Variants in CSMD1 observed in about 807,000 individuals in gnomAD.
The protein encoded by CSMD1 is CUB and Sushi multiple domains 1.
A neutral mutation model predicts 417.5 loss-of-function variants in CSMD1; 213 were observed. The ratio of observed to expected loss-of-function variants is 0.51; its 90% CI spans 0.46 to 0.57. The LOEUF (loss-of-function observed/expected upper bound fraction) is 0.57, where lower values mean the gene tolerates loss of function less well. CSMD1 is among the 20% of genes least tolerant of loss of function. CSMD1 has a pLI of 0.00. For missense variants in CSMD1, 6,923 were observed against 4,529.7 expected (o/e 1.53, Z -15.17); for synonymous variants, 2,862 against 1,736.8 (o/e 1.65, Z -16.11).
At chr8:3,397,247 T>G (rs1811760263) in intron 16 of CSMD1, among the ~76,000 whole-genome samples, 1 of 152,172 alleles carries the variant, frequency 6.6e-6, no homozygotes, top group African/African-American at 2.4e-5. Context: ...CTCAGTCACT[T>G]TGAGCCAAAG....
intron 3 of CSMD1, among the ~76,000 whole-genome samples, chr8:4,378,170 A>AG (rs1204996570): frequency 7.9e-5 from 12 of 152,192 alleles, no homozygotes; most frequent in African/African-American, 2.9e-4. Flanking sequence ...CTTATACTCT[A>AG]GATATTGCGA....
chr8:3,476,543 T>C (rs1817436151), intron 11 of CSMD1, among the ~76,000 whole-genome samples: 1 of 152,160 alleles, frequency 6.6e-6, no homozygotes, highest in Non-Finnish European at 1.5e-5. Flanking sequence ...ACCACTTGGC[T>C]TTTCCGCTTG....
chr8:3,295,378 G>T lies in CSMD1; in HGVS notation c.3951-11032C>A, dbSNP rs183230802. On this transcript the variant is annotated intron_variant, in intron 25 of 69. Coordinates refer to ENST00000635120, the MANE Select transcript of CSMD1 (RefSeq NM_033225.6). The stretch of plus-strand genomic sequence containing the variant: ...CCTGACCTTGTGATCCACCCGCCTC[G>T]GCCTCCCAAAGTGCTGGGATTAGAG... Among the ~76,000 whole-genome samples the T allele has an allele frequency of 2.0e-5, 3 of 152,054 alleles. No individual in the cohort carries two copies. In the East Asian group the frequency reaches 5.8e-4, roughly 29 times the overall value.
intron 1 of CSMD1, among the ~76,000 whole-genome samples, chr8:4,864,819 A>G (rs1479564818): frequency 6.6e-6 from 1 of 150,878 alleles, no homozygotes; most frequent in East Asian, 1.9e-4. Flanking sequence ...TAATCTTTTC[A>G]TTGTATATAA....
At chr8:4,922,210 G>C (rs545273373) in intron 1 of CSMD1, among the ~76,000 whole-genome samples, 2 of 152,050 alleles carry the variant, frequency 1.3e-5, no homozygotes, top group Non-Finnish European at 2.9e-5. Context: ...GTGCATGTCT[G>C]TCTGTGTTTT....
chr8:3,742,279 C>T (rs1796843886), intron 6 of CSMD1, among the ~76,000 whole-genome samples: 1 of 152,272 alleles, frequency 6.6e-6, no homozygotes, highest in East Asian at 1.9e-4. Flanking sequence ...TTCAGGTAAA[C>T]ATAACGTTCA....
intron 3 of CSMD1, among the ~76,000 whole-genome samples, chr8:4,210,245 G>T (rs1462416106): frequency 6.6e-6 from 1 of 152,188 alleles, no homozygotes; most frequent in Non-Finnish European, 1.5e-5. Flanking sequence ...CACAGGAGGG[G>T]CAGAGGACTG....
At chr8:3,376,329 A>C (rs887408360) in intron 18 of CSMD1, among the ~76,000 whole-genome samples, 3 of 152,092 alleles carry the variant, frequency 2.0e-5, no homozygotes, top group African/African-American at 7.2e-5. Flanking sequence ...CAAGAACAAC[A>C]AATTTGTCTG....
intron 1 of CSMD1, among the ~76,000 whole-genome samples, chr8:4,924,425 T>C (rs1247742926): frequency 6.6e-6 from 1 of 152,102 alleles, no homozygotes; most frequent in Non-Finnish European, 1.5e-5. Flanking sequence ...ATAGTAAACA[T>C]AAGTATAAAA....
intron 4 of CSMD1, among the ~76,000 whole-genome samples, chr8:4,016,794 TG>T (rs1471460626): frequency 1.3e-5 from 2 of 152,232 alleles, no homozygotes; most frequent in Non-Finnish European, 2.9e-5. Context: ...TGGGTTTTTT[TG>T]GTCGTTGTTT....
intron 3 of CSMD1, among the ~76,000 whole-genome samples, chr8:4,366,931 G>C (rs549368563): frequency 3.3e-5 from 5 of 152,088 alleles, no homozygotes; most frequent in Non-Finnish European, 7.4e-5. Flanking sequence ...GTTCCCTACA[G>C]ATTCTTGATA....
chr8:4,751,348 G>A (rs1036862208), intron 1 of CSMD1, among the ~76,000 whole-genome samples: 7 of 151,966 alleles, frequency 4.6e-5, no homozygotes, highest in South Asian at 4.2e-4. Context: ...CCGAGATAGC[G>A]CCACTGCACT....
At chr8:3,927,912 T>C (rs970108182) in intron 5 of CSMD1, among the ~76,000 whole-genome samples, 4 of 152,188 alleles carry the variant, frequency 2.6e-5, no homozygotes, top group African/African-American at 7.2e-5. Context: ...AAAAATCATT[T>C]TACATCAAAT....
intron 3 of CSMD1, among the ~76,000 whole-genome samples, chr8:4,033,077 T>A (rs1245466703): frequency 6.7e-6 from 1 of 149,930 alleles, no homozygotes; most frequent in African/African-American, 2.5e-5. Context: ...TTCCTCTCTA[T>A]TGATTCCATG....
intron 3 of CSMD1, among the ~76,000 whole-genome samples, chr8:4,096,079 T>C (rs894074471): frequency 2.6e-5 from 4 of 152,144 alleles, no homozygotes; most frequent in Non-Finnish European, 5.9e-5. Flanking sequence ...TGTTTTATGT[T>C]ATATGTTATC....
At chr8:4,742,908 A>C (rs1040508454) in intron 1 of CSMD1, among the ~76,000 whole-genome samples, 2 of 152,208 alleles carry the variant, frequency 1.3e-5, no homozygotes, top group Admixed American at 6.5e-5. Context: ...GGTTAAAAAA[A>C]ATCTGAAAAT....
intron 5 of CSMD1, among the ~76,000 whole-genome samples, chr8:3,894,097 G>A (rs1021719857): frequency 1.3e-5 from 2 of 152,098 alleles, no homozygotes; most frequent in African/African-American, 4.8e-5. Flanking sequence ...CTCTTTCACG[G>A]TGTTCCGTCT....
intron 2 of CSMD1, among the ~76,000 whole-genome samples, chr8:4,596,823 G>A (rs1465729130): frequency 3.3e-5 from 5 of 152,182 alleles, no homozygotes; most frequent in Non-Finnish European, 5.9e-5. Context: ...CATATTGTGG[G>A]AGGGACCCAG....
intron 3 of CSMD1, among the ~76,000 whole-genome samples, chr8:4,377,425 C>G (rs149382221): frequency 1.3e-5 from 2 of 152,016 alleles, no homozygotes; most frequent in African/African-American, 4.8e-5. Context: ...GTTTTCAATG[C>G]GAAGTGAGAG....
Sources: allele counts gnomAD v4.1 joint callset (sites outside exome capture counted in the v4.1 genomes callset), GRCh38; gene constraint gnomAD v4.1.1; transcripts MANE v1.5; gene names NCBI Gene and HGNC (gene_info 2026-07-23, HGNC 2026-07-21).